ADAM17: variants seen among roughly 807,000 people sequenced by gnomAD.
ADAM17 encodes disintegrin and metalloproteinase domain-containing protein 17.
In ADAM17, 39 loss-of-function variants were observed where a neutral mutation model predicts 96.7. The ratio of observed to expected loss-of-function variants is 0.40; its 90% CI spans 0.31 to 0.53. The LOEUF is 0.53. Ranked by LOEUF, ADAM17 falls within the 20% of genes least tolerant of loss-of-function variation. The pLI, the probability that ADAM17 is intolerant of heterozygous loss-of-function variation, is 0.44. For missense variants in ADAM17, 777 were observed against 1,013.2 expected, an observed-to-expected ratio of 0.77 and a Z score of 3.17; for synonymous variants, 344 against 359.2, an observed-to-expected ratio of 0.96 and a Z score of 0.48.
intron 6 of ADAM17, among the ~76,000 whole-genome samples, chr2:9,524,024 C>A (rs2125024129): frequency 6.6e-6 from 1 of 151,048 alleles, no homozygotes; most frequent in Non-Finnish European, 1.5e-5. Context: ...TACAGGCACA[C>A]ACCACCATGC....
intron 12 of ADAM17, among the ~76,000 whole-genome samples, chr2:9,504,301 C>G (rs1663230263): frequency 6.6e-6 from 1 of 151,516 alleles, no homozygotes; most frequent in African/African-American, 2.4e-5. Flanking sequence ...AAAAATCAGC[C>G]AGGCGTGATG....
chr2:9,500,398 G>T (rs535252601), intron 13 of ADAM17, among the ~76,000 whole-genome samples: 1 of 152,224 alleles, frequency 6.6e-6, no homozygotes, highest in South Asian at 2.1e-4. Context: ...GCTCTGAGTT[G>T]TGGGGAATGG....
chr2:9,547,189 C>T (rs745440472), intron 1 of ADAM17, among the ~76,000 whole-genome samples: 10 of 152,114 alleles, frequency 6.6e-5, no homozygotes, highest in Non-Finnish European at 1.3e-4. Context: ...TTTCATCCCC[C>T]TACCCCTCCT....
At chr2:9,530,333 G>A (rs967718714) in intron 4 of ADAM17, among the ~76,000 whole-genome samples, 31 of 152,178 alleles carry the variant, frequency 2.0e-4, no homozygotes, top group African/African-American at 7.0e-4. Context: ...TTTGGGATCA[G>A]ATATATCTGA....
chr2:9,516,223 T>A (rs1664048611), intron 10 of ADAM17, among the ~76,000 whole-genome samples: 2 of 152,180 alleles, frequency 1.3e-5, no homozygotes, highest in African/African-American at 4.8e-5. Flanking sequence ...TTTTAACAGT[T>A]CTTTATACAT....
At chr2:9,554,165 G>A (rs1265794665) in intron 1 of ADAM17, among the ~76,000 whole-genome samples, 2 of 152,170 alleles carry the variant, frequency 1.3e-5, no homozygotes, top group East Asian at 3.8e-4. Flanking sequence ...TGGGACTCAT[G>A]CTTATTTTTA....
chr2:9,518,260 A>C lies in ADAM17; in HGVS notation c.958-13T>G, dbSNP rs763249729. The C allele has an allele frequency of 2.4e-4, 47 of 198,388 alleles. No individual in the cohort carries two copies. Among genetic ancestry groups the C allele is most frequent in the East Asian group, 3.5e-4 (2 of 5,676 alleles). 12.3% of individuals were successfully genotyped at this position (198,388 alleles called of 1,614,324 possible). Reference sequence around the variant, plus strand: ...CAAAGCTAAATTGCTTTGAAAGACCAAAAAAAAAAAAAAAAAAAAAAGCAT... The same window carrying C: ...CAAAGCTAAATTGCTTTGAAAGACCCAAAAAAAAAAAAAAAAAAAAAGCAT... On this transcript the variant is annotated splice_polypyrimidine_tract_variant and intron_variant, in intron 8 of 18. Transcript: ENST00000310823.
chr2:9,509,910 A>G, intron 11 of ADAM17, 69 bp downstream of exon 11: 1 of 1,563,176 alleles, frequency 6.4e-7, no homozygotes, highest in South Asian at 1.2e-5. Context: ...TACGTTTCTG[A>G]GCTCTCATTA....
chr2:9,547,653 G>A lies in ADAM17; in HGVS notation c.98-4368C>T, dbSNP rs192335634. On this transcript the variant is annotated intron_variant, in intron 1 of 18. Transcript: ENST00000310823. The stretch of plus-strand genomic sequence containing the variant: ...GTGCAGAGCAGTACAGAGAGAATAT[G>A]AAGTGTGAGGCTGGAGAGTCAGGCA... 1.2e-3 allele frequency among the ~76,000 whole-genome samples: 177 copies of A among 152,312 alleles called. 2 individuals carry two copies. Among genetic ancestry groups the A allele is most frequent in the African/African-American group, 4.0e-3 (168 of 41,564 alleles).
At chr2:9,516,385 C>T (rs1405344269) in intron 10 of ADAM17, among the ~76,000 whole-genome samples, 2 of 152,114 alleles carry the variant, frequency 1.3e-5, no homozygotes, top group African/African-American at 4.8e-5. Context: ...CCACCATGCC[C>T]GGCCTCTTTG....
chr2:9,500,961 G>A (rs1662964491), intron 13 of ADAM17, among the ~76,000 whole-genome samples: 1 of 152,134 alleles, frequency 6.6e-6, no homozygotes, highest in African/African-American at 2.4e-5. Flanking sequence ...CATCCGCCAT[G>A]GCTTTTCTGA....
intron 10 of ADAM17, among the ~76,000 whole-genome samples, chr2:9,513,753 C>T (rs746841167): frequency 6.6e-6 from 1 of 152,028 alleles, no homozygotes; most frequent in Non-Finnish European, 1.5e-5. Flanking sequence ...AGGCCAAGCA[C>T]GGTGGCTCAC....
chr2:9,504,842 A>C (rs1663285001), intron 12 of ADAM17, among the ~76,000 whole-genome samples: 1 of 151,476 alleles, frequency 6.6e-6, no homozygotes, highest in African/African-American at 2.4e-5. Context: ...ATTTTGTTAC[A>C]TAATGTCACA....
chr2:9,523,967 T>C (rs777971570), intron 6 of ADAM17, among the ~76,000 whole-genome samples: 1 of 151,752 alleles, frequency 6.6e-6, no homozygotes, highest in African/African-American at 2.4e-5. Flanking sequence ...CCTGAATTTC[T>C]GGACTCAAGC....
chr2:9,535,642 G>GAAATAC (rs1664930858), intron 4 of ADAM17, among the ~76,000 whole-genome samples, 192 bp downstream of exon 4: 1 of 152,144 alleles, frequency 6.6e-6, no homozygotes, highest in Non-Finnish European at 1.5e-5. Flanking sequence ...ATGGTACTTA[G>GAAATAC]AAATACAGGG....
rs761422866 is a variant in ADAM17, at chr2:9,493,805, T to C, written c.1935A>G (p.Val645=). 6.2e-7 allele frequency: 1 copy of C among 1,613,996 alleles called. No individual in the cohort carries two copies. Among genetic ancestry groups the C allele is most frequent in the Non-Finnish European group, 8.5e-7 (1 of 1,179,938 alleles). The change falls in exon 16 of 19, where the codon GTA becomes GTG. Residue 645 remains valine (V), a synonymous_variant. Transcript: ENST00000310823. ...CCCAAAATCGTTCAATTACATCCTG[T>C]ACTCGTTTCTCACATTTGCCCTATG... is the stretch of plus-strand genomic sequence containing the variant. ...CDMNGKCEKR[V]QDVIERFWDF...
At chr2:9,551,592 TG>T (rs2125046681) in intron 1 of ADAM17, among the ~76,000 whole-genome samples, 1 of 152,212 alleles carries the variant, frequency 6.6e-6, no homozygotes, top group East Asian at 1.9e-4. Context: ...CCCGAGTAGC[TG>T]GGACTACAGG....
At chr2:9,535,044 C>A (rs144263402) in intron 4 of ADAM17, among the ~76,000 whole-genome samples, 2 of 152,206 alleles carry the variant, frequency 1.3e-5, no homozygotes, top group African/African-American at 4.8e-5. Flanking sequence ...TTCTTTTTCA[C>A]AATAATGGAC....
chr2:9,509,007 G>C (rs976295640), intron 11 of ADAM17, among the ~76,000 whole-genome samples: 1 of 151,868 alleles, frequency 6.6e-6, no homozygotes, highest in Non-Finnish European at 1.5e-5. Context: ...AAAATGAGAT[G>C]CAACAATCAA....
Sources: gnomAD v4.1 joint callset for allele counts (sites outside exome capture counted in the v4.1 genomes callset) on GRCh38, gnomAD v4.1.1 for gene constraint, MANE v1.5 for transcripts, NCBI Gene and HGNC (gene_info 2026-07-23, HGNC 2026-07-21) for gene names.